Variants in GIGYF2 observed in about 807,000 individuals in gnomAD.
The protein encoded by GIGYF2 is GRB10-interacting GYF protein 2.
Under a neutral mutation model 208.1 loss-of-function variants are expected in GIGYF2, and 25 were observed. That is an observed-to-expected ratio of 0.12 (90% CI 0.09 to 0.17). The LOEUF is 0.17. GIGYF2 is among the 10% of genes least tolerant of loss of function. The pLI is 1.00. For missense variants in GIGYF2, 1,302 were observed against 1,579.4 expected (o/e 0.82, Z 2.98); for synonymous variants, 534 against 543.8 (o/e 0.98, Z 0.25).
Position 232,819,976 on chromosome 2 carries a change from A to C in GIGYF2, c.2520A>C (p.Leu840Phe). The change falls in exon 21 of 29, where the codon TTA (leucine) becomes TTC (phenylalanine). Residue 840 changes from leucine to phenylalanine, a missense_variant. Around this residue, in one of 8 missense-constraint regions of GIGYF2, gnomAD observed 701 missense variants for 793.0 expected, o/e 0.88. Coordinates refer to ENST00000373563, the MANE Select transcript of GIGYF2 (RefSeq NM_001103146.3). Reference sequence around the variant, plus strand: ...AAAGGCGGAAGCAGGAAGAATTGTTACGCAAACAGGTGACCAGATGGTTTT... The same window carrying C: ...AAAGGCGGAAGCAGGAAGAATTGTTCCGCAAACAGGTGACCAGATGGTTTT... ...EEERRKQEEL[L>F]RKQEEEAAKW... 1.2e-6 allele frequency: 2 copies of C among 1,612,686 alleles called. No homozygotes were observed. The highest frequency in any genetic ancestry group is 1.7e-6 in the Non-Finnish European group (2 of 1,178,746).
intron 8 of GIGYF2, chr2:232,767,815 C>T (rs538012673): frequency 3.9e-6 from 1 of 259,150 alleles, no homozygotes; most frequent in Non-Finnish European, 7.5e-6. Context: ...TAAACTGTTG[C>T]TTCAATTTGC....
rs1480825407 is a variant in GIGYF2 at position 232,815,718 on chromosome 2, A to T, written c.2189A>T (p.Glu730Val). 4 of 1,589,176 alleles carry T rather than the reference A, an allele frequency of 2.5e-6. No individual in the cohort carries two copies. Among genetic ancestry groups the T allele is most frequent in the Non-Finnish European group, 3.5e-6 (4 of 1,157,406 alleles). The change falls in exon 19 of 29, where the codon GAG becomes GTG. Residue 730 changes from glutamate (E) to valine (V), a missense_variant. By Grantham distance (121) the Glu-to-Val change is moderately radical. Coordinates refer to ENST00000373563, the MANE Select transcript of GIGYF2 (RefSeq NM_001103146.3). ...GCCCTGGAACAGCTTCAGCAGCTAG[A>T]GAAGGCCAAAGCTGCAAAGGTCTGA... ...GPALEQLQQL[E>V]KAKAAKLEQE...
chr2:232,834,627 G>A (rs534623354), intron 22 of GIGYF2, among the ~76,000 whole-genome samples: 2 of 152,186 alleles, frequency 1.3e-5, no homozygotes, highest in South Asian at 4.2e-4. Context: ...TTCTTCAATT[G>A]TATGTTCTGT....
intron 27 of GIGYF2, among the ~76,000 whole-genome samples, chr2:232,849,870 G>T (rs912925888): frequency 1.3e-5 from 2 of 152,186 alleles, no homozygotes; most frequent in Non-Finnish European, 2.9e-5. Context: ...CTGTCCTGGG[G>T]CCCAGGGAAC....
At chr2:232,785,310 C>G (rs879606645) in intron 8 of GIGYF2, among the ~76,000 whole-genome samples, 1 of 152,112 alleles carries the variant, frequency 6.6e-6, no homozygotes, top group Non-Finnish European at 1.5e-5. Context: ...AGCAGCTTAG[C>G]CTAGCTGGGT....
chr2:232,711,610 AGAAGGC>A (rs1696403120), intron 2 of GIGYF2, among the ~76,000 whole-genome samples: 1 of 150,700 alleles, frequency 6.6e-6, no homozygotes, highest in Non-Finnish European at 1.5e-5. Flanking sequence ...CTTGCTTTAT[AGAAGGC>A]AACTGGGTTA....
At chr2:232,756,084 C>T in intron 5 of GIGYF2, 139 bp from the exon 6 acceptor site, 1 of 600,550 alleles carries the variant, frequency 1.7e-6, no homozygotes, top group Non-Finnish European at 2.9e-6. Flanking sequence ...TATGGTTTTC[C>T]ATTGCTAGTA....
intron 20 of GIGYF2, among the ~76,000 whole-genome samples, chr2:232,818,123 A>G (rs2106392874): frequency 6.6e-6 from 1 of 152,238 alleles, no homozygotes; most frequent in South Asian, 2.1e-4. Context: ...TTTGATTTAC[A>G]TTTCCCTAAT....
At chr2:232,712,155 G>A (rs1201807470) in intron 2 of GIGYF2, among the ~76,000 whole-genome samples, 2 of 151,628 alleles carry the variant, frequency 1.3e-5, no homozygotes, top group African/African-American at 2.4e-5. Flanking sequence ...TGTTTTTGTT[G>A]AAGTCTCATT....
chr2:232,782,080 T>C (rs1699738983), intron 8 of GIGYF2, among the ~76,000 whole-genome samples: 1 of 152,226 alleles, frequency 6.6e-6, no homozygotes, highest in East Asian at 1.9e-4. Context: ...CTCAGCCTTA[T>C]CTTTGTTTTT....
intron 13 of GIGYF2, 146 bp from the exon 14 acceptor site, chr2:232,795,916 G>A (rs1490577622): frequency 5.9e-6 from 4 of 678,466 alleles, no homozygotes; most frequent in Admixed American, 4.2e-5. Context: ...TCATGGCATT[G>A]TTGGGAGAAG....
chr2:232,812,129 A>G (rs183264595), intron 17 of GIGYF2, among the ~76,000 whole-genome samples: 47 of 152,340 alleles, frequency 3.1e-4, no homozygotes, highest in Admixed American at 1.6e-3. Flanking sequence ...CATATCTTTT[A>G]AGATATAGAT....
Position 232,844,326 on chromosome 2 carries a change from TA to T in GIGYF2, c.3100-41del, listed in dbSNP as rs1401918861. 1.9e-6 allele frequency: 3 copies of T among 1,612,106 alleles called. No individual in the cohort carries two copies. In the South Asian group the frequency reaches 3.3e-5, roughly 18 times the overall value. On this transcript the variant is annotated intron_variant, in intron 24 of 28. Transcript: ENST00000373563. ...TTTTCTGACTGTCTTCTTATCTTTT[TA>T]ACATGATTCACGATAATCATTTTTC... is the stretch of plus-strand genomic sequence containing the variant.
intron 2 of GIGYF2, among the ~76,000 whole-genome samples, chr2:232,722,230 G>GA (rs1696976469): frequency 6.6e-6 from 1 of 152,182 alleles, no homozygotes; most frequent in South Asian, 2.1e-4. Flanking sequence ...ATTTATGAAA[G>GA]AAAGAGGTTT....
chr2:232,791,206 T>A, intron 11 of GIGYF2, 36 bp downstream of exon 11: 4 of 1,613,836 alleles, frequency 2.5e-6, no homozygotes, highest in Non-Finnish European at 2.5e-6. Flanking sequence ...TTTTTTTTCC[T>A]CCATCAAACC....
At chr2:232,713,258 G>C (rs555072347) in intron 2 of GIGYF2, among the ~76,000 whole-genome samples, 4 of 151,910 alleles carry the variant, frequency 2.6e-5, no homozygotes, top group African/African-American at 9.7e-5. Context: ...TGTATTTTTT[G>C]GCAGAGACAG....
intron 18 of GIGYF2, 126 bp downstream of exon 18, chr2:232,812,617 G>A (rs1415050176): frequency 3.1e-6 from 2 of 642,114 alleles, no homozygotes; most frequent in South Asian, 1.7e-5. Context: ...TTAACAAAAG[G>A]TCCATTTTTT....
chr2:232,761,147 CTATG>C (rs917163422), intron 7 of GIGYF2, among the ~76,000 whole-genome samples: 2 of 151,984 alleles, frequency 1.3e-5, no homozygotes. Context: ...AAACTGTATA[CTATG>C]TATCTAATTT....
chr2:232,735,369 AAT>A (rs1697690519), intron 3 of GIGYF2, 131 bp downstream of exon 3: 1 of 707,300 alleles, frequency 1.4e-6, no homozygotes, highest in Non-Finnish European at 2.6e-6. Context: ...CGCTGAAAAC[AAT>A]GTGTTAGTTC....
Sources: allele counts gnomAD v4.1 joint callset (sites outside exome capture counted in the v4.1 genomes callset), GRCh38; gene constraint gnomAD v4.1.1; regional missense constraint gnomAD v4.1.1; transcripts MANE v1.5; gene names NCBI Gene and HGNC (gene_info 2026-07-23, HGNC 2026-07-21).